The following EYS variants were observed in gnomAD, a reference collection of about 807,000 sequenced individuals.
EYS encodes EGF-like photoreceptor maintenance factor.
Under a neutral mutation model 282.1 loss-of-function variants are expected in EYS, and 250 were observed. The observed-to-expected ratio is 0.89, with a 90% CI of 0.80 to 0.98. The LOEUF (loss-of-function observed/expected upper bound fraction) is 0.98. Ranked by LOEUF, EYS falls within the 50% of genes least tolerant of loss-of-function variation. EYS has a pLI of 0.00. For missense variants in EYS, 4,016 were observed against 3,709.0 expected (o/e 1.08, Z -2.15); for synonymous variants, 1,355 against 1,282.9 (o/e 1.06, Z -1.20).
chr6:63,799,175 A>G (rs1309538864), intron 37 of EYS, among the ~76,000 whole-genome samples: 3 of 151,172 alleles, frequency 2.0e-5, no homozygotes, highest in Non-Finnish European at 3.0e-5. Context: ...CACCACACCC[A>G]GCTAATTTTT....
chr6:63,863,574 G>C (rs1460244152), intron 36 of EYS, among the ~76,000 whole-genome samples: 2 of 151,518 alleles, frequency 1.3e-5, no homozygotes, highest in Non-Finnish European at 2.9e-5. Flanking sequence ...TACCTAGCTA[G>C]ACTTTGAGAT....
intron 29 of EYS, among the ~76,000 whole-genome samples, chr6:64,363,577 ATAAGT>A (rs1172925453): frequency 1.4e-5 from 1 of 72,098 alleles, no homozygotes; most frequent in African/African-American, 6.7e-5. Context: ...TAGAGCTGTG[ATAAGT>A]TAAGTTACTT....
chr6:65,488,460 C>T (rs1765897422), intron 5 of EYS, among the ~76,000 whole-genome samples: 1 of 152,116 alleles, frequency 6.6e-6, no homozygotes, highest in Non-Finnish European at 1.5e-5. Flanking sequence ...TAAACCACTG[C>T]TCAAGGAAAT....
At chr6:63,867,474 C>A (rs1019734490) in intron 35 of EYS, among the ~76,000 whole-genome samples, 1 of 152,106 alleles carries the variant, frequency 6.6e-6, no homozygotes, top group Non-Finnish European at 1.5e-5. Context: ...TTTACCTATA[C>A]ACCAGAGGAC....
At chr6:64,406,009 T>G (rs1376110452) in intron 28 of EYS, among the ~76,000 whole-genome samples, 2 of 152,098 alleles carry the variant, frequency 1.3e-5, no homozygotes, top group Non-Finnish European at 2.9e-5. Context: ...CAAGACAATG[T>G]GAAGCCAAAA....
intron 12 of EYS, among the ~76,000 whole-genome samples, chr6:65,262,378 TACTC>T (rs1331406359): frequency 6.6e-6 from 1 of 152,094 alleles, no homozygotes; most frequent in East Asian, 1.9e-4. Context: ...AGAAATGTAT[TACTC>T]AATATAATGA....
At chr6:65,252,714 C>A (rs62408667) in intron 12 of EYS, among the ~76,000 whole-genome samples, 1 of 151,742 alleles carries the variant, frequency 6.6e-6, no homozygotes, top group Non-Finnish European at 1.5e-5. Flanking sequence ...TAATTGAGAA[C>A]ACTACTGAAG....
intron 22 of EYS, among the ~76,000 whole-genome samples, chr6:64,745,336 G>T (rs924337207): frequency 3.9e-5 from 6 of 152,048 alleles, no homozygotes; most frequent in African/African-American, 4.8e-5. Flanking sequence ...GGCTTAGTAG[G>T]TGAATAGTGA....
chr6:64,022,152 G>A (rs181378720), intron 33 of EYS, among the ~76,000 whole-genome samples: 1 of 152,228 alleles, frequency 6.6e-6, no homozygotes, highest in East Asian at 1.9e-4. Flanking sequence ...TTTATCAGAT[G>A]TTGTCCAAAT....
chr6:64,375,457 T>A (rs2150416446), intron 29 of EYS, among the ~76,000 whole-genome samples: 1 of 152,354 alleles, frequency 6.6e-6, no homozygotes, highest in African/African-American at 2.4e-5. Flanking sequence ...AGGGTGGTAA[T>A]AACTATTTAT....
rs573349353 is a variant in EYS, at chr6:65,045,749, A to G, written c.2137+11865T>C. On this transcript the variant is annotated intron_variant, in intron 13 of 42. Transcript: ENST00000503581. ...GAATTTAAGATATGGACTCTGAAATATTTGCTAAGAGGTTTAATTGTCCTA... is the reference window on the plus strand; with the variant it reads ...GAATTTAAGATATGGACTCTGAAATGTTTGCTAAGAGGTTTAATTGTCCTA... 5.9e-5 allele frequency among the ~76,000 whole-genome samples: 9 copies of G among 151,952 alleles called. 1 individual carries two copies. The South Asian group carries it at 1.9e-3, about 31-fold the overall frequency.
At chr6:64,256,822 G>T (rs193036950) in intron 30 of EYS, among the ~76,000 whole-genome samples, 1 of 152,108 alleles carries the variant, frequency 6.6e-6, no homozygotes, top group Admixed American at 6.6e-5. Flanking sequence ...TGATGTATAT[G>T]CCCACGAGAG....
intron 14 of EYS, among the ~76,000 whole-genome samples, chr6:64,953,306 T>C (rs907880973): frequency 6.6e-6 from 1 of 151,748 alleles, no homozygotes; most frequent in African/African-American, 2.4e-5. Context: ...CAAATTATAG[T>C]CTCTTTCTGA....
At chr6:63,792,121 G>C (rs1297418601) in intron 37 of EYS, among the ~76,000 whole-genome samples, 1 of 151,930 alleles carries the variant, frequency 6.6e-6, no homozygotes, top group Non-Finnish European at 1.5e-5. Flanking sequence ...ACAGTCTGGG[G>C]GAAAAGGCTG....
At chr6:64,213,675 G>T (rs1367404532) in intron 31 of EYS, among the ~76,000 whole-genome samples, 2 of 152,126 alleles carry the variant, frequency 1.3e-5, no homozygotes, top group Admixed American at 1.3e-4. Context: ...AAGCATTAAT[G>T]TGACATGTTA....
In EYS at chr6:63,788,218, G is replaced by A. The variant is rs1770416806; in HGVS notation, c.7610C>T (p.Ala2537Val). 2 of 1,540,470 alleles carry A rather than the reference G, an allele frequency of 1.3e-6. No individual in the cohort carries two copies. Among genetic ancestry groups the A allele is most frequent in the Non-Finnish European group, 1.7e-6 (2 of 1,143,914 alleles). The part of the protein sequence containing the change: ...VDDHKNKSII[A>V]PGRLVGLNVF... ...ATTGAGACCAACCAGTCTTCCTGGG[G>A]CGATAATGGATTTATTTTTATGATC... Residue 2537 changes from alanine (A) to valine (V), a missense_variant, in exon 39 of 43, where the codon GCC (alanine) becomes GTC (valine). Ala to Val is a moderately conservative substitution (Grantham distance 64). Coordinates refer to ENST00000503581, the MANE Select transcript of EYS (RefSeq NM_001142800.2).
intron 33 of EYS, among the ~76,000 whole-genome samples, chr6:64,018,443 T>C (rs1448640906): frequency 1.3e-5 from 2 of 152,198 alleles, no homozygotes; most frequent in Admixed American, 6.6e-5. Flanking sequence ...ATTAAGAATA[T>C]GTTTTGACTT....
intron 2 of EYS, among the ~76,000 whole-genome samples, chr6:65,559,784 G>C (rs1288852847): frequency 6.6e-6 from 1 of 151,852 alleles, no homozygotes; most frequent in Non-Finnish European, 1.5e-5. Flanking sequence ...TTCCAATAAA[G>C]TTGTCCAATT....
intron 2 of EYS, among the ~76,000 whole-genome samples, chr6:65,638,990 C>A (rs539008940): frequency 6.6e-6 from 1 of 152,298 alleles, no homozygotes; most frequent in South Asian, 2.1e-4. Flanking sequence ...AATTACCATG[C>A]TCTATATTCT....
Sources: gnomAD v4.1 joint callset for allele counts (sites outside exome capture counted in the v4.1 genomes callset) on GRCh38, gnomAD v4.1.1 for gene constraint, MANE v1.5 for transcripts, NCBI Gene and HGNC (gene_info 2026-07-23, HGNC 2026-07-21) for gene names.